The following FMNL3 variants were observed in gnomAD, a reference collection of about 807,000 sequenced individuals.
The protein encoded by FMNL3 is formin like 3.
Under a neutral mutation model 119.6 loss-of-function variants are expected in FMNL3, and 57 were observed. The observed-to-expected ratio is 0.48, with a 90% confidence interval of 0.39 to 0.59. The LOEUF (loss-of-function observed/expected upper bound fraction) is 0.59, where lower values mean the gene tolerates loss of function less well. Ranked by LOEUF, FMNL3 falls within the 20% of genes least tolerant of loss-of-function variation. FMNL3 has a pLI of 0.00. For synonymous variants in FMNL3, 491 were observed against 507.3 expected, an observed-to-expected ratio of 0.97 and a Z score of 0.43; for missense variants, 1,053 against 1,323.5, an observed-to-expected ratio of 0.80 and a Z score of 3.17.
rs2138562980 is a variant in FMNL3, at chr12:49,637,998, A to G, written c.*7817T>C. ...CAGTAATGAATACACAATTTCTACC[A>G]CAGGAGCTCATGGTCTAATAGGAAG... On this transcript the variant is annotated 3_prime_UTR_variant, in exon 26 of 26. Transcript: ENST00000335154. 1.7e-6 allele frequency: 1 copy of G among 595,560 alleles called. No individual in the cohort carries two copies. The highest frequency in any genetic ancestry group is 2.8e-5 in the East Asian group (1 of 35,706). The allele number at this position is 595,560 out of a possible 1,614,324, so 36.9% of individuals were successfully genotyped here. A position where few individuals can be genotyped will look rare whatever the true frequency, so the allele number is the denominator to read the frequency against.
At chr12:49,700,972 G>C (rs999751226) in intron 1 of FMNL3, among the ~76,000 whole-genome samples, 1 of 149,600 alleles carries the variant, frequency 6.7e-6, no homozygotes, top group African/African-American at 2.5e-5. Context: ...CCAGCTACTT[G>C]GGAGGCTGAG....
chr12:49,703,945 G>C (rs1202700382), intron 1 of FMNL3, among the ~76,000 whole-genome samples: 1 of 152,128 alleles, frequency 6.6e-6, no homozygotes, highest in African/African-American at 2.4e-5. Flanking sequence ...ATACACAACA[G>C]GGTAATTGGT....
Position 49,642,292 on chromosome 12 carries a change from A to G in FMNL3, c.*3523T>C. The G allele has an allele frequency of 6.2e-7, 1 of 1,614,214 alleles. No individual in the cohort carries two copies. Among genetic ancestry groups the G allele is most frequent in the Non-Finnish European group, 8.5e-7 (1 of 1,180,040 alleles). On this transcript the variant is annotated 3_prime_UTR_variant, in exon 26 of 26. Transcript: ENST00000335154. The surrounding 1 kb of genome is among the most constrained non-coding windows in gnomAD (Gnocchi z 5.8). ...GCGGGAGAAGGAGGAGGCACGCAGG[A>G]TGCGGCGCAGGGAAGCTGCCTTTCG...
intron 1 of FMNL3, among the ~76,000 whole-genome samples, chr12:49,704,310 A>G (rs750597865): frequency 2.0e-5 from 3 of 152,310 alleles, no homozygotes; most frequent in African/African-American, 7.2e-5. Context: ...AAACCTCCCA[A>G]ATAGCTTTTT....
At chr12:49,696,619 A>G (rs1450453082) in intron 1 of FMNL3, among the ~76,000 whole-genome samples, 3 of 152,264 alleles carry the variant, frequency 2.0e-5, no homozygotes, top group Admixed American at 6.5e-5. Flanking sequence ...GAACCCACAG[A>G]TAAGGAGGGC....
chr12:49,641,953 G>T lies in FMNL3; in HGVS notation c.*3862C>A. The T allele has an allele frequency of 1.2e-6, 2 of 1,613,854 alleles. No homozygotes were observed. Among genetic ancestry groups the T allele is most frequent in the South Asian group, 2.2e-5 (2 of 91,080 alleles). On this transcript the variant is annotated 3_prime_UTR_variant, in exon 26 of 26. Transcript: ENST00000335154. ...GGTGAACACGGCCTTTGAGGACTTC[G>T]CCCACGTCATAAGCTTTGACAAGAG...
intron 12 of FMNL3, among the ~76,000 whole-genome samples, 176 bp downstream of exon 12, chr12:49,653,549 T>G (rs971735269): frequency 8.5e-5 from 13 of 152,228 alleles, no homozygotes; most frequent in Non-Finnish European, 1.6e-4. Flanking sequence ...GAGGTCGATG[T>G]GTATTCCAAC....
At chr12:49,657,936 C>A (rs1422320207) in intron 6 of FMNL3, among the ~76,000 whole-genome samples, 1 of 152,088 alleles carries the variant, frequency 6.6e-6, no homozygotes, top group Non-Finnish European at 1.5e-5. Flanking sequence ...ACACCGCAGA[C>A]AAATGAGCAT....
In FMNL3 at chr12:49,643,104, T is replaced by G; in HGVS notation, c.*2711A>C. On this transcript the variant is annotated 3_prime_UTR_variant, in exon 26 of 26. Coordinates refer to ENST00000335154, the MANE Select transcript of FMNL3 (RefSeq NM_175736.5). Reference sequence around the variant, plus strand: ...TGTTTTCCCCTTACAATATCTCCCTTGGAGGGAAGTTTGAGGATTCCTTTG... The same window carrying G: ...TGTTTTCCCCTTACAATATCTCCCTGGGAGGGAAGTTTGAGGATTCCTTTG... 6.3e-7 allele frequency: 1 copy of G among 1,586,874 alleles called. No individual in the cohort carries two copies.
chr12:49,690,470 C>T (rs964419122), intron 1 of FMNL3, among the ~76,000 whole-genome samples: 3 of 152,134 alleles, frequency 2.0e-5, no homozygotes, highest in Non-Finnish European at 2.9e-5. Flanking sequence ...TCTGTATTTT[C>T]CTCTAAACTC....
Position 49,637,755 on chromosome 12 carries a change from C to T in FMNL3, c.*8060G>A, listed in dbSNP as rs759114731. The stretch of plus-strand genomic sequence containing the variant: ...CAGGCTCCACCCCTCTGGACTTATT[C>T]AAGTTCTATGTGGAGGAGTTGAAGG... On this transcript the variant is annotated 3_prime_UTR_variant, in exon 26 of 26. Transcript: ENST00000335154. 8 of 1,496,730 alleles carry T rather than the reference C, an allele frequency of 5.3e-6. No individual in the cohort carries two copies. The highest frequency in any genetic ancestry group is 7.3e-6 in the Non-Finnish European group (8 of 1,101,434). The allele number at this position is 1,496,730 out of a possible 1,614,324, so 92.7% of individuals were successfully genotyped here.
rs1175063832 is a variant in FMNL3 at position 49,651,240 on chromosome 12, G to A, written c.1725C>T (p.Asn575=). The A allele has an allele frequency of 1.2e-6, 2 of 1,613,494 alleles. No individual in the cohort carries two copies. The highest frequency in any genetic ancestry group is 2.2e-5 in the East Asian group (1 of 44,858). ...TCTGGTTGGGTTTCAGTGCTGTCCA[G>A]TTGAAGACAGGCAGCCGGAACTTGG... ...IKTKFRLPVF[N]WTALKPNQIS... Residue 575 remains asparagine (N), a synonymous_variant, in exon 16 of 26, where the codon AAC becomes AAT. Transcript: ENST00000335154.
chr12:49,695,292 T>C (rs1165302723), intron 1 of FMNL3, among the ~76,000 whole-genome samples: 1 of 152,162 alleles, frequency 6.6e-6, no homozygotes, highest in Non-Finnish European at 1.5e-5. Flanking sequence ...ATCGGTTTTA[T>C]TTGTACCCTT....
At position 49,687,179 on chromosome 12, in the gene FMNL3, C is replaced by T. The variant is rs537352247; in HGVS notation, c.127-18625G>A. On this transcript the variant is annotated intron_variant, in intron 1 of 25. Coordinates refer to ENST00000335154, the MANE Select transcript of FMNL3 (RefSeq NM_175736.5). Reference sequence around the variant, plus strand: ...CGCGATCTCGGCTCACTGCACCCTCCGCCTCCTGGGTTCAAGTGATTCTGC... The same window carrying T: ...CGCGATCTCGGCTCACTGCACCCTCTGCCTCCTGGGTTCAAGTGATTCTGC... Among the ~76,000 whole-genome samples the T allele has an allele frequency of 9.2e-5, 14 of 151,780 alleles. No individual in the cohort carries two copies. In the East Asian group the frequency reaches 2.5e-3, roughly 27 times the overall value.
At position 49,649,197 on chromosome 12, in the gene FMNL3, A is replaced by T. The variant is rs748390082; in HGVS notation, c.2386-39T>A. The T allele has an allele frequency of 4.3e-6, 7 of 1,612,452 alleles. No homozygotes were observed. Among genetic ancestry groups the T allele is most frequent in the Non-Finnish European group, 5.9e-6 (7 of 1,179,198 alleles). On this transcript the variant is annotated intron_variant, in intron 20 of 25. Transcript: ENST00000335154. The surrounding 1 kb of genome is among the most constrained non-coding windows in gnomAD (Gnocchi z 5.6). The stretch of plus-strand genomic sequence containing the variant: ...TGAGGGCGGTGCACAAGAGCTAAGC[A>T]CTCTGGCTCCACAACTGCTGCCCCC...
chr12:49,699,188 C>A (rs965836071), intron 1 of FMNL3, among the ~76,000 whole-genome samples: 2 of 152,106 alleles, frequency 1.3e-5, no homozygotes, highest in Non-Finnish European at 2.9e-5. Flanking sequence ...GTCTGGCAGA[C>A]CAGATGACAC....
chr12:49,695,581 C>T (rs1007583121), intron 1 of FMNL3, among the ~76,000 whole-genome samples: 4 of 152,176 alleles, frequency 2.6e-5, no homozygotes, highest in Middle Eastern at 3.4e-3. Context: ...TGTCAAAGTA[C>T]GCGGCATACA....
intron 1 of FMNL3, among the ~76,000 whole-genome samples, chr12:49,685,169 T>C (rs56043156): frequency 6.6e-6 from 1 of 152,312 alleles, no homozygotes; most frequent in African/African-American, 2.4e-5. Context: ...GGTTTTACCC[T>C]TGGTAAACGC....
chr12:49,643,040 A>G lies in FMNL3; in HGVS notation c.*2775T>C, dbSNP rs1225100791. On this transcript the variant is annotated 3_prime_UTR_variant, in exon 26 of 26. Coordinates refer to ENST00000335154, the MANE Select transcript of FMNL3 (RefSeq NM_175736.5). ...CAGTGAGTAAGCGTGTAGAAGGGAC[A>G]TGGGGTGAAGCTGGGTTGTTTTGGG... is the stretch of plus-strand genomic sequence containing the variant. The G allele has an allele frequency of 6.2e-7, 1 of 1,611,422 alleles. No homozygotes were observed. The highest frequency in any genetic ancestry group is 1.7e-5 in the Admixed American group (1 of 59,854).
Sources: allele counts gnomAD v4.1 joint callset (sites outside exome capture counted in the v4.1 genomes callset), GRCh38; gene constraint gnomAD v4.1.1; non-coding constraint Gnocchi (gnomAD v3.1); transcripts MANE v1.5; gene names NCBI Gene and HGNC (gene_info 2026-07-23, HGNC 2026-07-21).